WWOX: variants seen among roughly 807,000 people sequenced by gnomAD.
WWOX encodes the protein WW domain-containing oxidoreductase.
WWOX carries 69 observed loss-of-function variants against 46.2 expected under a neutral mutation model. The ratio of observed to expected loss-of-function variants is 1.49; its 90% CI spans 1.23 to 1.82. WWOX has a LOEUF of 1.82. WWOX is among the 40% of genes most tolerant of loss of function. WWOX has a pLI of 0.00. For missense variants in WWOX, 919 were observed against 542.6 expected, an observed-to-expected ratio of 1.69 and a Z score of -6.89; for synonymous variants, 359 against 202.6, an observed-to-expected ratio of 1.77 and a Z score of -6.56.
In WWOX at chr16:78,967,457, T is replaced by TG. The variant is rs1458274334; in HGVS notation, c.1057-244149dup. On this transcript the variant is annotated intron_variant, in intron 8 of 8. Transcript: ENST00000566780. ...CACCAACATGCCTGGTTAATTTTTG[T>TG]GGTTTTTTTTTTTTTTTTTTTTTTC... Among the ~76,000 whole-genome samples the TG allele has an allele frequency of 2.7e-4, 25 of 94,006 alleles. No homozygotes were observed. In the Admixed American group the frequency reaches 2.7e-3, roughly 10 times the overall value. 61.7% of individuals were successfully genotyped at this position (94,006 alleles called of 152,430 possible). A position where few individuals can be genotyped will look rare whatever the true frequency, so the allele number is the denominator to read the frequency against.
chr16:78,451,999 T>G (rs2083701249), intron 8 of WWOX, among the ~76,000 whole-genome samples: 1 of 152,234 alleles, frequency 6.6e-6, no homozygotes, highest in Admixed American at 6.5e-5. Context: ...CATATCAACT[T>G]CCTTCTGTTT....
intron 8 of WWOX, among the ~76,000 whole-genome samples, chr16:78,869,183 T>G (rs1313720361): frequency 6.6e-6 from 1 of 152,186 alleles, no homozygotes. Flanking sequence ...TCAGCTGACT[T>G]ATTCATGTTC....
intron 8 of WWOX, among the ~76,000 whole-genome samples, chr16:78,853,069 G>C (rs547396626): frequency 6.6e-6 from 1 of 152,294 alleles, no homozygotes; most frequent in East Asian, 1.9e-4. Flanking sequence ...GAGAATACCT[G>C]ATGGGGTTAG....
chr16:79,165,940 A>G (rs923804717), intron 8 of WWOX, among the ~76,000 whole-genome samples: 4 of 152,104 alleles, frequency 2.6e-5, no homozygotes, highest in African/African-American at 9.7e-5. Flanking sequence ...CCTCTCAGAC[A>G]TTTTCATAAT....
At chr16:79,035,861 A>C (rs146859572) in intron 8 of WWOX, among the ~76,000 whole-genome samples, 2,222 of 152,272 alleles carry the variant, frequency 0.015, 24 homozygotes, top group South Asian at 0.051. Flanking sequence ...TCCCAAAGTG[A>C]TGGGATTACA....
intron 8 of WWOX, among the ~76,000 whole-genome samples, chr16:78,768,279 T>TA (rs56280651): frequency 0.13 from 12,140 of 91,878 alleles, 999 homozygotes; most frequent in African/African-American, 0.18. Context: ...ATAGATGAGT[T>TA]AAAAAAAAAA....
intron 6 of WWOX, among the ~76,000 whole-genome samples, chr16:78,401,653 C>T (rs1041460421): frequency 6.6e-6 from 1 of 151,964 alleles, no homozygotes. Context: ...TTCTCAGAGC[C>T]CAGGGATTTT....
chr16:78,972,324 C>T (rs372263009), intron 8 of WWOX, among the ~76,000 whole-genome samples: 1 of 152,074 alleles, frequency 6.6e-6, no homozygotes, highest in East Asian at 1.9e-4. Flanking sequence ...GGAAAGGATC[C>T]AGGAGGGCTT....
At chr16:78,983,912 C>T (rs1026439218) in intron 8 of WWOX, among the ~76,000 whole-genome samples, 8 of 110,460 alleles carry the variant, frequency 7.2e-5, no homozygotes, top group African/African-American at 1.7e-4. Flanking sequence ...GAGTCTTGCT[C>T]TGTTACCCAG....
intron 8 of WWOX, among the ~76,000 whole-genome samples, chr16:78,508,562 T>G (rs1212268504): frequency 2.6e-5 from 4 of 152,146 alleles, no homozygotes; most frequent in African/African-American, 9.7e-5. Flanking sequence ...TCCCTATTCT[T>G]AGGTTTTATT....
At chr16:78,282,355 G>A (rs905717461) in intron 5 of WWOX, among the ~76,000 whole-genome samples, 4 of 152,136 alleles carry the variant, frequency 2.6e-5, no homozygotes, top group African/African-American at 9.7e-5. Context: ...GGATCTTTTC[G>A]GGATGTGGCT....
At chr16:78,867,297 C>G (rs1021337739) in intron 8 of WWOX, among the ~76,000 whole-genome samples, 2 of 152,136 alleles carry the variant, frequency 1.3e-5, no homozygotes, top group Admixed American at 1.3e-4. Context: ...CCAACGCCGT[C>G]TATTTTCATA....
intron 8 of WWOX, among the ~76,000 whole-genome samples, chr16:78,495,526 GGA>G (rs2084895564): frequency 9.7e-6 from 1 of 102,938 alleles, no homozygotes; most frequent in Non-Finnish European, 2.0e-5. Flanking sequence ...TTTTTTTTTT[GGA>G]GATGGAGTCT....
In WWOX at chr16:79,104,560, G is replaced by A. The variant is rs146810057; in HGVS notation, c.1057-107048G>A. Among the ~76,000 whole-genome samples, 351 of 152,196 alleles carry A rather than the reference G, an allele frequency of 2.3e-3. 1 individual carries two copies. The highest frequency in any genetic ancestry group is 4.0e-3 in the Non-Finnish European group (270 of 68,008). On this transcript the variant is annotated intron_variant, in intron 8 of 8. Coordinates refer to ENST00000566780, the MANE Select transcript of WWOX (RefSeq NM_016373.4). The stretch of plus-strand genomic sequence containing the variant: ...GACAACTTGACATCAAATTATGTAC[G>A]GTTAAGTATTGATACAAAAATACGC...
chr16:78,399,887 G>A (rs1355153470), intron 6 of WWOX, among the ~76,000 whole-genome samples: 2 of 152,186 alleles, frequency 1.3e-5, no homozygotes, highest in Non-Finnish European at 2.9e-5. Context: ...TTGTTGAGAA[G>A]CTAATTCTTG....
intron 8 of WWOX, among the ~76,000 whole-genome samples, chr16:78,558,728 C>G (rs777042790): frequency 6.6e-6 from 1 of 152,224 alleles, no homozygotes; most frequent in Non-Finnish European, 1.5e-5. Flanking sequence ...TCTCCCCAGT[C>G]TTGGCTTTGA....
At position 78,559,073 on chromosome 16, in the gene WWOX, G is replaced by C. The variant is rs17640172; in HGVS notation, c.1056+126321G>C. Among the ~76,000 whole-genome samples the C allele has an allele frequency of 2.8e-3, 434 of 152,310 alleles. 1 individual carries two copies. Among genetic ancestry groups the C allele is most frequent in the Non-Finnish European group, 5.3e-3 (358 of 68,038 alleles). On this transcript the variant is annotated intron_variant, in intron 8 of 8. Coordinates refer to ENST00000566780, the MANE Select transcript of WWOX (RefSeq NM_016373.4). ...CGTGGAAGGACACATAGTTCCGTCTGGCTTGGAGCCTAGCTTGGGAGAGGG... is the reference window on the plus strand; with the variant it reads ...CGTGGAAGGACACATAGTTCCGTCTCGCTTGGAGCCTAGCTTGGGAGAGGG...
At chr16:78,306,783 C>A (rs929751312) in intron 5 of WWOX, among the ~76,000 whole-genome samples, 1 of 151,930 alleles carries the variant, frequency 6.6e-6, no homozygotes, top group Non-Finnish European at 1.5e-5. Flanking sequence ...TCACTCCTTC[C>A]CACAATCCCC....
At chr16:78,742,155 A>G (rs2049244110) in intron 8 of WWOX, among the ~76,000 whole-genome samples, 1 of 152,212 alleles carries the variant, frequency 6.6e-6, no homozygotes, top group Non-Finnish European at 1.5e-5. Context: ...AATGTTTTGT[A>G]ATATTACATG....
Sources: gnomAD v4.1 joint callset for allele counts (sites outside exome capture counted in the v4.1 genomes callset) on GRCh38, gnomAD v4.1.1 for gene constraint, MANE v1.5 for transcripts, NCBI Gene and HGNC (gene_info 2026-07-23, HGNC 2026-07-21) for gene names.